Variants in PPP4R3A observed in about 807,000 individuals in gnomAD.
The protein encoded by PPP4R3A is serine/threonine-protein phosphatase 4 regulatory subunit 3A.
PPP4R3A carries 15 observed loss-of-function variants against 91.7 expected under a neutral mutation model. That is an observed-to-expected ratio of 0.16 (90% CI 0.11 to 0.25). PPP4R3A has a LOEUF of 0.25. Among genes scored for constraint, PPP4R3A ranks in the 10% least tolerant of loss-of-function variants. PPP4R3A has a pLI of 1.00. For synonymous variants in PPP4R3A, 377 were observed against 348.7 expected (o/e 1.08, Z -0.91); for missense variants, 623 against 998.4 (o/e 0.62, Z 5.07).
intron 1 of PPP4R3A, among the ~76,000 whole-genome samples, chr14:91,507,959 T>C (rs1891518107): frequency 6.6e-6 from 1 of 152,092 alleles, no homozygotes; most frequent in African/African-American, 2.4e-5. Flanking sequence ...CTGTTTTTAT[T>C]TTTTTGAAAG....
intron 3 of PPP4R3A, among the ~76,000 whole-genome samples, chr14:91,485,179 G>A (rs1889811020): frequency 6.6e-6 from 1 of 152,186 alleles, no homozygotes; most frequent in African/African-American, 2.4e-5. Context: ...AAATGATGGT[G>A]GCTTGGAAAA....
At chr14:91,472,966 C>T in intron 9 of PPP4R3A, 67 bp downstream of exon 9, 1 of 1,482,908 alleles carries the variant, frequency 6.7e-7, no homozygotes, top group Non-Finnish European at 9.3e-7. Context: ...AAAAGACTGA[C>T]TTAACACCAA....
At chr14:91,482,475 G>A (rs1795247893) in intron 3 of PPP4R3A, among the ~76,000 whole-genome samples, 1 of 152,082 alleles carries the variant, frequency 6.6e-6, no homozygotes, top group Non-Finnish European at 1.5e-5. Flanking sequence ...AGACTGTTAC[G>A]AAACAGCCCT....
intron 1 of PPP4R3A, 71 bp downstream of exon 1, chr14:91,509,435 C>T: frequency 6.5e-7 from 1 of 1,530,078 alleles, no homozygotes; most frequent in Non-Finnish European, 8.7e-7. Context: ...GCGCCATGCC[C>T]CGCAAGAACC....
chr14:91,477,107 T>C (rs974702219), intron 4 of PPP4R3A, 121 bp from the exon 5 acceptor site: 3 of 559,934 alleles, frequency 5.4e-6, no homozygotes, highest in Admixed American at 6.3e-5. Context: ...TTGGCAATGC[T>C]GTCTTTTTTT....
At chr14:91,505,017 T>C (rs1370076567) in intron 1 of PPP4R3A, among the ~76,000 whole-genome samples, 1 of 152,212 alleles carries the variant, frequency 6.6e-6, no homozygotes, top group African/African-American at 2.4e-5. Context: ...ATATACATTA[T>C]AAAATTCCCA....
chr14:91,491,729 G>T (rs1284902718), intron 1 of PPP4R3A, among the ~76,000 whole-genome samples: 1 of 151,598 alleles, frequency 6.6e-6, no homozygotes, highest in Non-Finnish European at 1.5e-5. Context: ...TTAAAACAAG[G>T]TAAGTTTAAT....
chr14:91,504,114 C>T (rs72701488), intron 1 of PPP4R3A, among the ~76,000 whole-genome samples: 449 of 151,386 alleles, frequency 3.0e-3, no homozygotes, highest in Non-Finnish European at 4.7e-3. Context: ...CCCAGGAGTT[C>T]GAGACCAGCC....
intron 7 of PPP4R3A, chr14:91,475,585 A>T: frequency 2.6e-6 from 1 of 386,258 alleles, no homozygotes; most frequent in Non-Finnish European, 4.6e-6. Context: ...CAAAACAAAA[A>T]AAAACTGACA....
At chr14:91,461,290 T>G in intron 14 of PPP4R3A, 91 bp downstream of exon 14, 1 of 1,136,326 alleles carries the variant, frequency 8.8e-7, no homozygotes, top group Non-Finnish European at 1.3e-6. Flanking sequence ...CAGTTCTAGG[T>G]GGCAGTAACC....
At position 91,462,761 on chromosome 14, in the gene PPP4R3A, T is replaced by C; in HGVS notation, c.1947A>G (p.Glu649=). Residue 649 remains glutamate, a synonymous_variant, in exon 12 of 15, where the codon GAA becomes GAG. Transcript: ENST00000554943. Reference sequence around the variant, plus strand: ...TGTCAAGTTTGGGATTATCTTGCCTTTCTCTTTGTTGTTCAAATCTCAGTT... The same window carrying C: ...TGTCAAGTTTGGGATTATCTTGCCTCTCTCTTTGTTGTTCAAATCTCAGTT... ...GLKLRFEQQR[E]RQDNPKLDSM... 1 of 1,613,800 alleles carries C rather than the reference T, an allele frequency of 6.2e-7. No individual in the cohort carries two copies. Among genetic ancestry groups the C allele is most frequent in the Non-Finnish European group, 8.5e-7 (1 of 1,179,840 alleles).
chr14:91,461,195 T>TA (rs1402583922), intron 14 of PPP4R3A, among the ~76,000 whole-genome samples, 186 bp downstream of exon 14: 4 of 151,964 alleles, frequency 2.6e-5, no homozygotes, highest in East Asian at 1.9e-4. Flanking sequence ...GCATTGGTCA[T>TA]AAAAAAAACT....
At chr14:91,466,361 G>A in intron 10 of PPP4R3A, 1 of 985,758 alleles carries the variant, frequency 1.0e-6, no homozygotes, top group Non-Finnish European at 1.2e-6. Flanking sequence ...TTGCCAATTT[G>A]CTATTAATCA....
chr14:91,459,888 A>T (rs1419946974), intron 14 of PPP4R3A, among the ~76,000 whole-genome samples: 2 of 152,058 alleles, frequency 1.3e-5, no homozygotes, highest in African/African-American at 2.4e-5. Flanking sequence ...GACCACCAGA[A>T]ATGAGGGTAG....
At chr14:91,499,564 A>T (rs1311735605) in intron 1 of PPP4R3A, among the ~76,000 whole-genome samples, 2 of 152,052 alleles carry the variant, frequency 1.3e-5, no homozygotes, top group African/African-American at 4.8e-5. Flanking sequence ...ACATTCCAAT[A>T]GCAAGAAAAA....
At chr14:91,506,436 T>C (rs1891299435) in intron 1 of PPP4R3A, among the ~76,000 whole-genome samples, 1 of 152,180 alleles carries the variant, frequency 6.6e-6, no homozygotes, top group Non-Finnish European at 1.5e-5. Flanking sequence ...ACATAGTAGG[T>C]AGTCAGTAAA....
rs1167606161 is a variant in PPP4R3A at position 91,509,782 on chromosome 14, G to C, written c.-135C>G. The C allele has an allele frequency of 1.6e-6, 2 of 1,256,542 alleles. No individual in the cohort carries two copies. The highest frequency in any genetic ancestry group is 8.8e-5 in the Admixed American group (2 of 22,606). 77.8% of individuals were successfully genotyped at this position (1,256,542 alleles called of 1,614,324 possible). On this transcript the variant is annotated 5_prime_UTR_variant, in exon 1 of 15. Coordinates refer to ENST00000554943, the MANE Select transcript of PPP4R3A (RefSeq NM_001366432.2). ...GGCCTCACTGCCGCCGCTGGGCGCC[G>C]CGGGGCCGCGCCGCCGCCTGCATGG...
chr14:91,481,164 T>G (rs12050230), intron 4 of PPP4R3A, among the ~76,000 whole-genome samples: 57,136 of 152,000 alleles, frequency 0.38, 10,973 homozygotes, highest in East Asian at 0.47. Context: ...AAACTCCATC[T>G]CTACAAAAAA....
intron 10 of PPP4R3A, among the ~76,000 whole-genome samples, 181 bp downstream of exon 10, chr14:91,470,652 TTAAG>T (rs1447947731): frequency 3.9e-5 from 6 of 152,302 alleles, no homozygotes; most frequent in Admixed American, 1.3e-4. Flanking sequence ...TTACTGTATA[TTAAG>T]TAAGAAGAGA....
Sources: allele counts gnomAD v4.1 joint callset (sites outside exome capture counted in the v4.1 genomes callset), GRCh38; gene constraint gnomAD v4.1.1; transcripts MANE v1.5; gene names NCBI Gene and HGNC (gene_info 2026-07-23, HGNC 2026-07-21).